DOCK2: variants seen among roughly 807,000 people sequenced by gnomAD.
The protein encoded by DOCK2 is dedicator of cytokinesis 2.
DOCK2 carries 87 observed loss-of-function variants against 248.9 expected under a neutral mutation model. The observed-to-expected ratio is 0.35, with a 90% CI of 0.29 to 0.42. The LOEUF is 0.42. Ranked by LOEUF, DOCK2 falls within the 10% of genes least tolerant of loss-of-function variation. The probability of loss-of-function intolerance (pLI) is 1.00; values close to 1 mark genes in which losing one functional copy is unlikely to be tolerated. For synonymous variants in DOCK2, 805 were observed against 821.6 expected (o/e 0.98, Z 0.35); for missense variants, 1,747 against 2,300.2 (o/e 0.76, Z 4.92).
At chr5:169,883,537 A>T in intron 27 of DOCK2, 2 of 1,551,676 alleles carry the variant, frequency 1.3e-6, no homozygotes, top group South Asian at 2.4e-5. Flanking sequence ...CATTTCCACC[A>T]GGGACTTACT....
intron 8 of DOCK2, among the ~76,000 whole-genome samples, chr5:169,685,572 A>C (rs977682782): frequency 6.6e-6 from 1 of 152,200 alleles, no homozygotes. Flanking sequence ...CTAGGACATG[A>C]TCTCTCTGCC....
At chr5:169,726,873 T>C (rs1353621994) in intron 22 of DOCK2, among the ~76,000 whole-genome samples, 1 of 152,084 alleles carries the variant, frequency 6.6e-6, no homozygotes, top group East Asian at 1.9e-4. Context: ...CTTGGGAGGA[T>C]CAGTAATTCT....
At chr5:169,955,390 GGA>G (rs139569428) in intron 27 of DOCK2, among the ~76,000 whole-genome samples, 11 of 151,626 alleles carry the variant, frequency 7.3e-5, no homozygotes, top group African/African-American at 1.9e-4. Flanking sequence ...TTAAAGGAAG[GGA>G]GAGAGAGAGA....
intron 25 of DOCK2, among the ~76,000 whole-genome samples, chr5:169,787,328 G>A (rs547841212): frequency 2.6e-5 from 4 of 152,126 alleles, no homozygotes; most frequent in Non-Finnish European, 5.9e-5. Flanking sequence ...GCTGTGCATG[G>A]TACTCTAGCA....
At chr5:169,882,868 G>T in intron 27 of DOCK2, 1 of 1,551,522 alleles carries the variant, frequency 6.4e-7, no homozygotes, top group East Asian at 2.4e-5. Context: ...TGCACTGTTA[G>T]TTTTGAGTGA....
chr5:169,906,096 G>C (rs1744518856), intron 27 of DOCK2, among the ~76,000 whole-genome samples: 1 of 152,216 alleles, frequency 6.6e-6, no homozygotes, highest in Non-Finnish European at 1.5e-5. Flanking sequence ...TACACTAAGA[G>C]TTACCAAACG....
intron 25 of DOCK2, among the ~76,000 whole-genome samples, chr5:169,781,153 A>G (rs1477901384): frequency 2.0e-5 from 3 of 152,218 alleles, no homozygotes; most frequent in African/African-American, 7.2e-5. Context: ...GGACATGCTA[A>G]ATGAACCTGA....
At chr5:170,026,628 T>C (rs1254903096) in intron 33 of DOCK2, among the ~76,000 whole-genome samples, 2 of 152,158 alleles carry the variant, frequency 1.3e-5, no homozygotes, top group South Asian at 2.1e-4. Flanking sequence ...ACTAAAATAG[T>C]AAAAACCATT....
chr5:169,903,527 G>A (rs1581389957), intron 27 of DOCK2, among the ~76,000 whole-genome samples: 1 of 151,292 alleles, frequency 6.6e-6, no homozygotes, highest in Non-Finnish European at 1.5e-5. Context: ...GCCAGCGGGG[G>A]CCGGGGGGCA....
intron 13 of DOCK2, among the ~76,000 whole-genome samples, chr5:169,700,888 G>C (rs111430698): frequency 2.0e-5 from 3 of 151,004 alleles, no homozygotes; most frequent in African/African-American, 7.3e-5. Context: ...GGCAGGGAGA[G>C]AGAGAGAGAG....
Position 170,077,843 on chromosome 5 carries a change from T to A in DOCK2, c.4994+6T>A, listed in dbSNP as rs997219295. 5 of 1,611,944 alleles carry A rather than the reference T, an allele frequency of 3.1e-6. No individual in the cohort carries two copies. In the African/African-American group the frequency reaches 4.0e-5, roughly 13 times the overall value. On this transcript the variant is annotated splice_donor_region_variant and intron_variant, in intron 48 of 51. Transcript: ENST00000520908. Reference sequence around the variant, plus strand: ...AGCAAGCCTACCTCAGAGAGGTCAGTCCCTGCACCCCAAGGAGCCCCCCAC... The same window carrying A: ...AGCAAGCCTACCTCAGAGAGGTCAGACCCTGCACCCCAAGGAGCCCCCCAC...
chr5:170,009,129 C>T (rs1755182904), intron 32 of DOCK2, among the ~76,000 whole-genome samples: 1 of 151,960 alleles, frequency 6.6e-6, no homozygotes, highest in South Asian at 2.1e-4. Flanking sequence ...AAAACGTACT[C>T]CAACCTCATA....
chr5:169,782,842 C>T (rs1329348584), intron 25 of DOCK2, among the ~76,000 whole-genome samples: 1 of 152,296 alleles, frequency 6.6e-6, no homozygotes, highest in Non-Finnish European at 1.5e-5. Context: ...CGTTAACTGG[C>T]TCTCTGACAT....
intron 8 of DOCK2, 139 bp from the exon 9 acceptor site, chr5:169,689,113 G>C: frequency 1.4e-6 from 1 of 692,642 alleles, no homozygotes; most frequent in Non-Finnish European, 2.5e-6. Context: ...CGGAGGGAAG[G>C]ACCATGTCTT....
At chr5:169,877,695 A>G (rs1452523505) in intron 27 of DOCK2, among the ~76,000 whole-genome samples, 1 of 152,208 alleles carries the variant, frequency 6.6e-6, no homozygotes, top group Non-Finnish European at 1.5e-5. Flanking sequence ...ATATCAGATA[A>G]AAGGTAGCAG....
chr5:169,662,319 T>C (rs1445387532), intron 2 of DOCK2, among the ~76,000 whole-genome samples: 1 of 152,256 alleles, frequency 6.6e-6, no homozygotes, highest in Non-Finnish European at 1.5e-5. Context: ...TTTATTTTTA[T>C]ACTATTGAGT....
chr5:169,977,681 C>T (rs747812212), intron 27 of DOCK2, among the ~76,000 whole-genome samples: 4 of 152,192 alleles, frequency 2.6e-5, no homozygotes, highest in Non-Finnish European at 5.9e-5. Flanking sequence ...CTTTAGAGTA[C>T]TGCCTTATCC....
intron 27 of DOCK2, among the ~76,000 whole-genome samples, chr5:169,849,799 C>T (rs563040249): frequency 9.2e-5 from 14 of 152,290 alleles, no homozygotes; most frequent in Admixed American, 2.6e-4. Flanking sequence ...TCTCCAGGCA[C>T]GGTTCATCTT....
intron 7 of DOCK2, among the ~76,000 whole-genome samples, chr5:169,683,637 T>C (rs2113366115): frequency 6.6e-6 from 1 of 152,318 alleles, no homozygotes; most frequent in Non-Finnish European, 1.5e-5. Context: ...GTTGTGTAGT[T>C]GTATCTCATT....
Sources: allele counts gnomAD v4.1 joint callset (sites outside exome capture counted in the v4.1 genomes callset), GRCh38; gene constraint gnomAD v4.1.1; transcripts MANE v1.5; gene names NCBI Gene and HGNC (gene_info 2026-07-23, HGNC 2026-07-21).